Variants in MYO1B observed in about 807,000 individuals in gnomAD.
MYO1B encodes myosin IB.
MYO1B carries 72 observed loss-of-function variants against 159.7 expected under a neutral mutation model. The ratio of observed to expected loss-of-function variants is 0.45; its 90% CI spans 0.37 to 0.55. The LOEUF (loss-of-function observed/expected upper bound fraction) is 0.55. MYO1B is among the 20% of genes least tolerant of loss of function. The probability of loss-of-function intolerance (pLI) is 0.00; values close to 1 mark genes in which losing one functional copy is unlikely to be tolerated. For missense variants in MYO1B, 1,062 were observed against 1,364.8 expected (o/e 0.78, Z 3.50); for synonymous variants, 468 against 473.8 (o/e 0.99, Z 0.16).
intron 27 of MYO1B, among the ~76,000 whole-genome samples, chr2:191,413,049 TCCTG>T (rs1328786790): frequency 6.6e-6 from 1 of 152,202 alleles, no homozygotes; most frequent in Non-Finnish European, 1.5e-5. Flanking sequence ...ATTATCAAAG[TCCTG>T]CCCACCAAAT....
Position 191,423,781 on chromosome 2 carries a change from T to A in MYO1B, c.3288-56T>A, listed in dbSNP as rs1030911953. 6 of 1,562,346 alleles carry A rather than the reference T, an allele frequency of 3.8e-6. No individual in the cohort carries two copies. In the East Asian group the frequency reaches 1.1e-4, roughly 29 times the overall value. On this transcript the variant is annotated intron_variant, in intron 30 of 30. Coordinates refer to ENST00000392318, the MANE Select transcript of MYO1B (RefSeq NM_001130158.3). ...CATTAAAATACAAAAGCAAGTGTTA[T>A]TGTAATCATGAGCTGTTTTGTGTAT... is the stretch of plus-strand genomic sequence containing the variant.
intron 18 of MYO1B, 116 bp downstream of exon 18, chr2:191,390,608 C>T (rs1695688507): frequency 8.4e-7 from 1 of 1,184,200 alleles, no homozygotes; most frequent in Non-Finnish European, 1.1e-6. Flanking sequence ...GATGTAACCT[C>T]TGTTTTGGAC....
intron 27 of MYO1B, among the ~76,000 whole-genome samples, chr2:191,413,648 A>G (rs1418950996): frequency 1.3e-5 from 2 of 152,184 alleles, no homozygotes; most frequent in Non-Finnish European, 2.9e-5. Context: ...TCACTGCCAC[A>G]TATTGTTTGA....
At chr2:191,299,869 A>AATACGTATAAGGTGCTT (rs1689204264) in intron 3 of MYO1B, among the ~76,000 whole-genome samples, 1 of 152,242 alleles carries the variant, frequency 6.6e-6, no homozygotes, top group Non-Finnish European at 1.5e-5. Context: ...ATAATGATCT[A>AATACGTATAAGGTGCTT]ATACGTATAA....
intron 3 of MYO1B, among the ~76,000 whole-genome samples, chr2:191,324,907 T>G (rs1279997091): frequency 4.6e-5 from 7 of 152,180 alleles, no homozygotes; most frequent in Admixed American, 4.6e-4. Context: ...TGGGGATATT[T>G]TCCAATTGGG....
chr2:191,400,453 T>C lies in MYO1B; in HGVS notation c.2367T>C (p.Tyr789=), dbSNP rs1214352028. The C allele has an allele frequency of 3.7e-6, 6 of 1,614,054 alleles. No homozygotes were observed. Among genetic ancestry groups the C allele is most frequent in the Non-Finnish European group, 5.1e-6 (6 of 1,180,034 alleles). The change falls in exon 22 of 31, where the codon TAT becomes TAC. Residue 789 remains tyrosine, a synonymous_variant. Coordinates refer to ENST00000392318, the MANE Select transcript of MYO1B (RefSeq NM_001130158.3). The part of the protein sequence containing the change: ...CKEAVTTIAA[Y]WHGTQARREL... ...AAGCAGTCACGACCATTGCTGCATA[T>C]TGGCATGGGACCCAGGTAGGCCCGA... is the stretch of plus-strand genomic sequence containing the variant.
chr2:191,282,703 T>C (rs1688134882), intron 2 of MYO1B, among the ~76,000 whole-genome samples: 1 of 152,212 alleles, frequency 6.6e-6, no homozygotes, highest in African/African-American at 2.4e-5. Flanking sequence ...GAGGAGGTTC[T>C]CTTTTATCTA....
At chr2:191,284,201 C>T (rs1043997051) in intron 2 of MYO1B, among the ~76,000 whole-genome samples, 11 of 152,186 alleles carry the variant, frequency 7.2e-5, no homozygotes, top group Non-Finnish European at 1.0e-4. Flanking sequence ...ACAGGGGACA[C>T]GTGGCCAGTT....
intron 1 of MYO1B, among the ~76,000 whole-genome samples, chr2:191,264,369 C>T (rs1043966505): frequency 1.8e-4 from 27 of 152,150 alleles, no homozygotes; most frequent in African/African-American, 6.5e-4. Context: ...TTTTATTATT[C>T]TAAAAAACTT....
At chr2:191,322,818 G>T (rs1048830926) in intron 3 of MYO1B, among the ~76,000 whole-genome samples, 18 of 152,106 alleles carry the variant, frequency 1.2e-4, no homozygotes, top group Admixed American at 1.1e-3. Context: ...GAGGGTTCTT[G>T]GATCTTGTGC....
At chr2:191,245,750 G>C (rs990647361) in intron 1 of MYO1B, 124 bp downstream of exon 1, 1 of 152,220 alleles carries the variant, frequency 6.6e-6, no homozygotes, top group African/African-American at 2.4e-5. Context: ...CTGCGGGCGG[G>C]GGTCAGCGGG....
chr2:191,326,774 G>A lies in MYO1B; in HGVS notation c.252-3161G>A, dbSNP rs73981561. The stretch of plus-strand genomic sequence containing the variant: ...CAAAGCCTTGTGTTTGTATATATGT[G>A]TGTGTGTGTGTGTGTGTGTGTGTGT... On this transcript the variant is annotated intron_variant, in intron 3 of 30. Coordinates refer to ENST00000392318, the MANE Select transcript of MYO1B (RefSeq NM_001130158.3). 6.5e-3 allele frequency among the ~76,000 whole-genome samples: 481 copies of A among 73,546 alleles called. 3 individuals are homozygous for A. The highest frequency in any genetic ancestry group is 0.027 in the East Asian group (60 of 2,236). The allele number at this position is 73,546 out of a possible 152,430, so 48.2% of individuals were successfully genotyped here.
At chr2:191,407,458 G>A (rs1696992958) in intron 24 of MYO1B, among the ~76,000 whole-genome samples, 1 of 152,028 alleles carries the variant, frequency 6.6e-6, no homozygotes. Flanking sequence ...ACTCCACTTT[G>A]TTACTGTTAT....
intron 30 of MYO1B, 104 bp from the exon 31 acceptor site, chr2:191,423,733 C>T: frequency 7.8e-7 from 1 of 1,280,568 alleles, no homozygotes; most frequent in Non-Finnish European, 1.1e-6. Flanking sequence ...GATGCGCAGC[C>T]TGTACTCGTC....
chr2:191,360,759 G>GTTGTTA, intron 8 of MYO1B, 30 bp downstream of exon 8: 1 of 1,193,878 alleles, frequency 8.4e-7, no homozygotes, highest in South Asian at 1.3e-5. Flanking sequence ...TGGTGTTGTT[G>GTTGTTA]TTGTTGTTGT....
chr2:191,370,313 T>G (rs1694278485), intron 13 of MYO1B, 21 bp downstream of exon 13: 4 of 1,571,948 alleles, frequency 2.5e-6, no homozygotes, highest in South Asian at 2.2e-5. Context: ...AAATTTTTTT[T>G]GTATTGTCTT....
intron 3 of MYO1B, among the ~76,000 whole-genome samples, chr2:191,323,180 G>C (rs1035992883): frequency 1.3e-5 from 2 of 152,146 alleles, no homozygotes; most frequent in Non-Finnish European, 2.9e-5. Context: ...AGGAGGACCA[G>C]AGGTCTCTTT....
chr2:191,363,679 GAAAAT>G (rs1693819274), intron 9 of MYO1B, 44 bp from the exon 10 acceptor site: 1 of 1,552,616 alleles, frequency 6.4e-7, no homozygotes, highest in African/African-American at 1.4e-5. Context: ...AAAAAGAAAA[GAAAAT>G]AACTATAAGA....
intron 30 of MYO1B, among the ~76,000 whole-genome samples, chr2:191,423,455 C>T (rs1698070563): frequency 6.6e-6 from 1 of 152,148 alleles, no homozygotes; most frequent in Non-Finnish European, 1.5e-5. Context: ...CATCAGTCAC[C>T]ACAAACATGA....
Sources: allele counts gnomAD v4.1 joint callset (sites outside exome capture counted in the v4.1 genomes callset), GRCh38; gene constraint gnomAD v4.1.1; transcripts MANE v1.5; gene names NCBI Gene and HGNC (gene_info 2026-07-23, HGNC 2026-07-21).